The following ZFAND1 variants were observed in gnomAD, a reference collection of about 807,000 sequenced individuals.
The protein encoded by ZFAND1 is zinc finger AN1-type containing 1, also known as AN1-type zinc finger protein 1.
Under a neutral mutation model 38.5 loss-of-function variants are expected in ZFAND1, and 40 were observed. That is an observed-to-expected ratio of 1.04 (90% CI 0.81 to 1.35). The LOEUF is 1.35. Among genes scored for constraint, ZFAND1 ranks in the 40% most tolerant of loss-of-function variants. The pLI, the probability that ZFAND1 is intolerant of heterozygous loss-of-function variation, is 0.00. For missense variants in ZFAND1, 346 were observed against 316.3 expected, an observed-to-expected ratio of 1.09 and a Z score of -0.71; for synonymous variants, 117 against 103.6, an observed-to-expected ratio of 1.13 and a Z score of -0.78.
Position 81,708,994 on chromosome 8 carries a change from A to T in ZFAND1, c.480+4924T>A, listed in dbSNP as rs147464880. Among the ~76,000 whole-genome samples the T allele has an allele frequency of 9.0e-3, 1,367 of 152,350 alleles. 13 individuals carry two copies. The highest frequency in any genetic ancestry group is 0.03 in the Admixed American group (457 of 15,304). ...GTAAAGTTGTTTGACAATTTTTATT[A>T]AAATCTAAAATATGCGTACCATTTG... On this transcript the variant is annotated intron_variant, in intron 6 of 7. Transcript: ENST00000220669.
At chr8:81,720,575 C>T (rs1359371804) in intron 1 of ZFAND1, among the ~76,000 whole-genome samples, 1 of 152,116 alleles carries the variant, frequency 6.6e-6, no homozygotes, top group African/African-American at 2.4e-5. Flanking sequence ...TAAGGAAGGG[C>T]CTTCTTCCGG....
rs771929946 is a variant in ZFAND1, at chr8:81,702,875, G to C, written c.637-10C>G. On this transcript the variant is annotated splice_polypyrimidine_tract_variant and intron_variant, in intron 7 of 7. Transcript: ENST00000220669. ...GACACAGCCTTAATTTCTGTGAAGG[G>C]AGAAGTAAGTCATACTGTAATAAAT... The C allele has an allele frequency of 5.7e-6, 9 of 1,577,820 alleles. No individual in the cohort carries two copies. The highest frequency in any genetic ancestry group is 7.7e-6 in the Non-Finnish European group (9 of 1,166,354).
chr8:81,715,223 G>A, intron 3 of ZFAND1, 109 bp from the exon 4 acceptor site: 5 of 1,096,390 alleles, frequency 4.6e-6, no homozygotes, highest in Non-Finnish European at 6.5e-6. Context: ...ACTTATTAGA[G>A]CAAGTTACTT....
intron 1 of ZFAND1, among the ~76,000 whole-genome samples, chr8:81,718,993 T>C (rs1366362330): frequency 6.6e-6 from 1 of 152,022 alleles, no homozygotes; most frequent in Admixed American, 6.6e-5. Context: ...TGTGTATATA[T>C]GTATATGTGT....
chr8:81,705,301 C>T (rs6981150), intron 6 of ZFAND1, among the ~76,000 whole-genome samples: 11,593 of 152,054 alleles, frequency 0.076, 599 homozygotes, highest in East Asian at 0.14. Context: ...AATGCATTAA[C>T]TGAAATTTCA....
At chr8:81,710,067 C>T (rs1808094574) in intron 6 of ZFAND1, among the ~76,000 whole-genome samples, 2 of 152,330 alleles carry the variant, frequency 1.3e-5, no homozygotes, top group African/African-American at 4.8e-5. Context: ...AGAAAAAATT[C>T]TCTGTTGTCG....
rs1585926972 is a variant in ZFAND1, at chr8:81,714,003, T to C, written c.395A>G (p.Lys132Arg). 1 of 1,612,272 alleles carries C rather than the reference T, an allele frequency of 6.2e-7. No individual in the cohort carries two copies. The highest frequency in any genetic ancestry group is 1.7e-4 in the Middle Eastern group (1 of 6,056). The stretch of plus-strand genomic sequence containing the variant: ...AGCTGTTTCACTATTTTTGGCACCT[T>C]TCCATCGTTTACTTGCTGTTTCTCC... ...KTGETASKRWKGAKNSETAAK... is the reference protein window; with the variant it reads ...KTGETASKRWRGAKNSETAAK... Residue 132 changes from lysine (K) to arginine (R), a missense_variant, in exon 6 of 8, where the codon AAA becomes AGA. Coordinates refer to ENST00000220669, the MANE Select transcript of ZFAND1 (RefSeq NM_024699.3).
upstream of ZFAND1, chr8:81,721,304 G>T: frequency 6.5e-7 from 1 of 1,546,778 alleles, no homozygotes. Context: ...GTAAGGGGCG[G>T]GGCAAAGCCT....
At chr8:81,719,067 C>T (rs962922522) in intron 1 of ZFAND1, among the ~76,000 whole-genome samples, 6 of 151,826 alleles carry the variant, frequency 4.0e-5, no homozygotes, top group Non-Finnish European at 7.4e-5. Flanking sequence ...AGTGTACTTA[C>T]AGAAACCAAA....
Position 81,702,988 on chromosome 8 carries a change from T to C in ZFAND1, c.617A>G (p.Asn206Ser). Residue 206 changes from asparagine to serine, a missense_variant, in exon 7 of 8, where the codon AAT becomes AGT. By Grantham distance (46) the Asn-to-Ser change is conservative. Coordinates refer to ENST00000220669, the MANE Select transcript of ZFAND1 (RefSeq NM_024699.3). The part of the protein sequence containing the change: ...AASLARLKND[N>S]NKFTAKKLRL... ...TGTTACCTTAGCTGTAAATTTGTTA[T>C]TGTCATTTTTAAGCCTGGCTAGAGA... 2 of 1,523,162 alleles carry C rather than the reference T, an allele frequency of 1.3e-6. No homozygotes were observed. Among genetic ancestry groups the C allele is most frequent in the Non-Finnish European group, 1.8e-6 (2 of 1,134,380 alleles). The allele number at this position is 1,523,162 out of a possible 1,614,324, so 94.4% of individuals were successfully genotyped here. A position where few individuals can be genotyped will look rare whatever the true frequency, so the allele number is the denominator to read the frequency against.
chr8:81,709,848 T>G (rs1331290573), intron 6 of ZFAND1, among the ~76,000 whole-genome samples: 1 of 152,242 alleles, frequency 6.6e-6, no homozygotes, highest in Non-Finnish European at 1.5e-5. Flanking sequence ...GTTAATAGAA[T>G]GTTACTCTTT....
chr8:81,719,191 A>G (rs1338886499), intron 1 of ZFAND1, among the ~76,000 whole-genome samples: 1 of 152,070 alleles, frequency 6.6e-6, no homozygotes, highest in African/African-American at 2.4e-5. Flanking sequence ...GCAAGGGGCC[A>G]GGCACAGTGG....
Position 81,714,993 on chromosome 8 carries a change from C to A in ZFAND1, c.260G>T (p.Cys87Phe). 6.2e-7 allele frequency: 1 copy of A among 1,613,948 alleles called. No homozygotes were observed. Among genetic ancestry groups the A allele is most frequent in the East Asian group, 2.2e-5 (1 of 44,862 alleles). The change falls in exon 4 of 8, where the codon TGC becomes TTC. Residue 87 changes from cysteine (C) to phenylalanine (F), a missense_variant. Coordinates refer to ENST00000220669, the MANE Select transcript of ZFAND1 (RefSeq NM_024699.3). ...AGCCTAAGTGATCAATCACCTCAGG[C>A]AAAAATTCTTCTCACAATAAGGACA... is the stretch of plus-strand genomic sequence containing the variant. ...VICPYCEKNFCLRHRHQSDHE... is the reference protein window; with the variant it reads ...VICPYCEKNFFLRHRHQSDHE...
At chr8:81,714,741 AGAT>A (rs2130426569) in intron 5 of ZFAND1, 60 bp downstream of exon 5, 1 of 1,402,510 alleles carries the variant, frequency 7.1e-7, no homozygotes, top group South Asian at 1.2e-5. Flanking sequence ...ATTGGAAAGT[AGAT>A]ATAAGAAGCA....
intron 1 of ZFAND1, among the ~76,000 whole-genome samples, chr8:81,719,384 G>C (rs1808407882): frequency 6.7e-6 from 1 of 149,442 alleles, no homozygotes; most frequent in African/African-American, 2.5e-5. Flanking sequence ...GTTCATGCCT[G>C]TAATTCCAGC....
chr8:81,705,739 G>A (rs1433148201), intron 6 of ZFAND1, among the ~76,000 whole-genome samples: 1 of 152,196 alleles, frequency 6.6e-6, no homozygotes, highest in African/African-American at 2.4e-5. Context: ...TCGCCAACAT[G>A]GCAAAACCCC....
intron 3 of ZFAND1, among the ~76,000 whole-genome samples, chr8:81,717,013 AAACAAATGTTAAG>A (rs1808336042): frequency 6.6e-6 from 1 of 152,188 alleles, no homozygotes; most frequent in Non-Finnish European, 1.5e-5. Flanking sequence ...TGGGCTACCT[AAACAAATGTTAAG>A]GAATAAAAAT....
chr8:81,720,991 CT>C (rs1808455073), intron 1 of ZFAND1: 2 of 522,674 alleles, frequency 3.8e-6, no homozygotes, highest in Non-Finnish European at 6.8e-6. Context: ...CAGGCCCTGC[CT>C]CAGGAATTGC....
At chr8:81,708,938 T>C in intron 6 of ZFAND1, 1 of 343,002 alleles carries the variant, frequency 2.9e-6, no homozygotes, top group Non-Finnish European at 4.7e-6. Flanking sequence ...GTCAATGAAA[T>C]TTGATTCGAA....
Sources: gnomAD v4.1 joint callset for allele counts (sites outside exome capture counted in the v4.1 genomes callset) on GRCh38, gnomAD v4.1.1 for gene constraint, MANE v1.5 for transcripts, NCBI Gene and HGNC (gene_info 2026-07-23, HGNC 2026-07-21) for gene names.